The following SEMA7A variants were observed in gnomAD, a reference collection of about 807,000 sequenced individuals.
SEMA7A encodes semaphorin-7A.
Under a neutral mutation model 67.5 loss-of-function variants are expected in SEMA7A, and 21 were observed. The observed-to-expected ratio is 0.31, with a 90% confidence interval of 0.22 to 0.45. The LOEUF (loss-of-function observed/expected upper bound fraction) is 0.45. Among genes scored for constraint, SEMA7A ranks in the 20% least tolerant of loss-of-function variants. The probability of loss-of-function intolerance (pLI) is 1.00; values close to 1 mark genes in which losing one functional copy is unlikely to be tolerated. For synonymous variants in SEMA7A, 364 were observed against 368.5 expected (o/e 0.99, Z 0.14); for missense variants, 774 against 908.6 (o/e 0.85, Z 1.90).
Position 74,411,092 on chromosome 15 carries a change from G to C in SEMA7A, c.1640-107C>G. 2.7e-6 allele frequency: 4 copies of C among 1,488,916 alleles called. No homozygotes were observed. The highest frequency in any genetic ancestry group is 3.6e-6 in the Non-Finnish European group (4 of 1,112,774). The allele number at this position is 1,488,916 out of a possible 1,614,324, so 92.2% of individuals were successfully genotyped here. On this transcript the variant is annotated intron_variant, in intron 13 of 13. Transcript: ENST00000261918. The surrounding 1 kb of genome is among the most constrained non-coding windows in gnomAD (Gnocchi z 4.4). ...CCCAGGACAAGGCTTCTGAATGAACGTGGGGAACCCAGCCCTCAGCGTCCT... is the reference window on the plus strand; with the variant it reads ...CCCAGGACAAGGCTTCTGAATGAACCTGGGGAACCCAGCCCTCAGCGTCCT...
chr15:74,428,916 AG>A (rs1329543649), intron 1 of SEMA7A, among the ~76,000 whole-genome samples: 1 of 152,190 alleles, frequency 6.6e-6, no homozygotes, highest in African/African-American at 2.4e-5. Context: ...TCCTCTGAGG[AG>A]GCAGGGCCCA....
rs1334632569 is a variant in SEMA7A at position 74,414,506 on chromosome 15, T to C, written c.1294+41A>G. ...TTATTCCTTACACCTTTCATGCCCG[T>C]TTTTACAAAGCAAACTGAGGGTCCC... is the stretch of plus-strand genomic sequence containing the variant. On this transcript the variant is annotated intron_variant, in intron 10 of 13. Transcript: ENST00000261918. The surrounding 1 kb of genome is among the most constrained non-coding windows in gnomAD (Gnocchi z 4.1). 1 of 1,589,972 alleles carries C rather than the reference T, an allele frequency of 6.3e-7. No individual in the cohort carries two copies. The highest frequency in any genetic ancestry group is 1.1e-5 in the South Asian group (1 of 90,384).
At chr15:74,416,170 C>T (rs1194488058) in intron 7 of SEMA7A, among the ~76,000 whole-genome samples, 185 bp from the exon 8 acceptor site, 2 of 152,120 alleles carry the variant, frequency 1.3e-5, no homozygotes, top group Non-Finnish European at 2.9e-5. Flanking sequence ...CTCCAGCAAG[C>T]AGGCCTGGCT....
chr15:74,425,836 G>A (rs1287628254), intron 1 of SEMA7A, among the ~76,000 whole-genome samples: 1 of 152,126 alleles, frequency 6.6e-6, no homozygotes, highest in African/African-American at 2.4e-5. Context: ...CTGTGGGATG[G>A]CTACATACAG....
In SEMA7A at chr15:74,417,443, C is replaced by T. The variant is rs2141277896; in HGVS notation, c.553G>A (p.Asp185Asn). 1 of 1,613,304 alleles carries T rather than the reference C, an allele frequency of 6.2e-7. No homozygotes were observed. The highest frequency in any genetic ancestry group is 1.1e-5 in the South Asian group (1 of 91,074). The part of the protein sequence containing the change: ...DENSLVLFEG[D>N]EVYSTIRKQE... ...TTCCGGATGGTGGAATACACCTCGT[C>T]CCCTGGGGTCAGTGGGAGGGAGAAA... The change falls in exon 6 of 14, where the codon GAC becomes AAC. Residue 185 changes from aspartate to asparagine, a missense_variant and splice_region_variant. By Grantham distance (23) the Asp-to-Asn change is conservative (BLOSUM62 1). Coordinates refer to ENST00000261918, the MANE Select transcript of SEMA7A (RefSeq NM_003612.5).
intron 1 of SEMA7A, among the ~76,000 whole-genome samples, chr15:74,433,274 C>CG (rs1412778702): frequency 6.6e-6 from 1 of 151,670 alleles, no homozygotes; most frequent in East Asian, 2.0e-4. Context: ...GCGGCGGCGG[C>CG]GGCAAGGGGT....
chr15:74,411,743 GC>G lies in SEMA7A; in HGVS notation c.1423-34del. 6.2e-7 allele frequency: 1 copy of G among 1,609,412 alleles called. No homozygotes were observed. The highest frequency in any genetic ancestry group is 8.5e-7 in the Non-Finnish European group (1 of 1,179,272). On this transcript the variant is annotated intron_variant, in intron 11 of 13. Coordinates refer to ENST00000261918, the MANE Select transcript of SEMA7A (RefSeq NM_003612.5). The surrounding 1 kb of genome is among the most constrained non-coding windows in gnomAD (Gnocchi z 4.4). ...GACAGCAGGATTGGGTCAGGCCCGGGCCCCACCCCACACTCAGTCCTAAATG... is the reference window on the plus strand; with the variant it reads ...GACAGCAGGATTGGGTCAGGCCCGGGCCCACCCCACACTCAGTCCTAAATG...
At chr15:74,415,748 C>A in intron 8 of SEMA7A, 53 bp downstream of exon 8, 1 of 1,535,554 alleles carries the variant, frequency 6.5e-7, no homozygotes, top group South Asian at 1.2e-5. Flanking sequence ...CCTCCTGTCC[C>A]TACTGGACAC....
intron 1 of SEMA7A, 70 bp from the exon 2 acceptor site, chr15:74,419,022 C>T (rs968864850): frequency 4.5e-6 from 7 of 1,539,838 alleles, no homozygotes; most frequent in Non-Finnish European, 6.2e-6. Context: ...GTCCCCTCCA[C>T]ATGGCACACT....
intron 10 of SEMA7A, among the ~76,000 whole-genome samples, chr15:74,412,613 C>G (rs953974276): frequency 3.9e-5 from 6 of 151,900 alleles, no homozygotes; most frequent in African/African-American, 1.5e-4. Context: ...AAAGATAGTA[C>G]AGAGAGCTCC....
At chr15:74,419,026 G>C (rs2141280322) in intron 1 of SEMA7A, 74 bp from the exon 2 acceptor site, 1 of 1,524,148 alleles carries the variant, frequency 6.6e-7, no homozygotes. Context: ...CCTCCACATG[G>C]CACACTGGAA....
In SEMA7A at chr15:74,416,601, C is replaced by T. The variant is rs758451986; in HGVS notation, c.775G>A (p.Val259Met). Residue 259 changes from valine (V) to methionine (M), a missense_variant, in exon 7 of 14, where the codon GTG becomes ATG. Around this residue, in one of 2 missense-constraint regions of SEMA7A, gnomAD observed 427 missense variants for 555.4 expected, o/e 0.77. Transcript: ENST00000261918. ...PDKNPEAPLNVSRVAQLCRGD... is the reference protein window; with the variant it reads ...PDKNPEAPLNMSRVAQLCRGD... ...CTGCACAACTGGGCCACACGGGACACATTGAGAGGAGCCTCAGGATTCTTG... is the reference window on the plus strand; with the variant it reads ...CTGCACAACTGGGCCACACGGGACATATTGAGAGGAGCCTCAGGATTCTTG... The T allele has an allele frequency of 1.9e-6, 3 of 1,614,002 alleles. No individual in the cohort carries two copies. The highest frequency in any genetic ancestry group is 2.5e-6 in the Non-Finnish European group (3 of 1,179,992).
rs777179194 is a variant in SEMA7A at position 74,415,990 on chromosome 15, A to G, written c.802-5T>C. 7 of 1,613,572 alleles carry G rather than the reference A, an allele frequency of 4.3e-6. No individual in the cohort carries two copies. In the Admixed American group the frequency reaches 1.2e-4, roughly 27 times the overall value. ...ACTTTCCCCACCCTGGTCCCCCTGG[A>G]AGGGTAGAGGGGAGAAGAGGCCCCT... On this transcript the variant is annotated splice_polypyrimidine_tract_variant and splice_region_variant and intron_variant, in intron 7 of 13. Transcript: ENST00000261918.
chr15:74,418,585 G>A (rs1443720995), intron 2 of SEMA7A, among the ~76,000 whole-genome samples: 1 of 152,182 alleles, frequency 6.6e-6, no homozygotes, highest in East Asian at 1.9e-4. Flanking sequence ...CAGCTGGCCA[G>A]GCCCATTAGC....
chr15:74,412,338 C>T (rs1315080805), intron 10 of SEMA7A, among the ~76,000 whole-genome samples: 2 of 152,172 alleles, frequency 1.3e-5, no homozygotes, highest in Non-Finnish European at 1.5e-5. Flanking sequence ...TGCATCACCT[C>T]GTTTAACCCT....
At chr15:74,432,236 G>C (rs1274602716) in intron 1 of SEMA7A, among the ~76,000 whole-genome samples, 2 of 152,162 alleles carry the variant, frequency 1.3e-5, no homozygotes, top group African/African-American at 4.8e-5. Context: ...TGATGTCCAA[G>C]ACAGCCAAGG....
chr15:74,420,492 T>C (rs931432856), intron 1 of SEMA7A, among the ~76,000 whole-genome samples: 1 of 152,016 alleles, frequency 6.6e-6, no homozygotes, highest in Non-Finnish European at 1.5e-5. Flanking sequence ...CTGGTGCACA[T>C]CACAAACAGC....
Position 74,410,684 on chromosome 15 carries a change from C to T in SEMA7A, c.1941G>A (p.Leu647=). The change falls in exon 14 of 14, where the codon CTG becomes CTA. Residue 647 remains leucine (L), a synonymous_variant. Transcript: ENST00000261918. This position sits in a 1 kb window ranked among gnomAD's most constrained non-coding sequence, Gnocchi z 7.5. ...GCACCCCCAGCCAGAGGGAGGCGGC[C>T]AGGGCACAGGCATGACCCAGCAGGT... The part of the protein sequence containing the change: ...AEHLLGHACA[L]AASLWLGVLP... The T allele has an allele frequency of 6.2e-7, 1 of 1,610,920 alleles. No homozygotes were observed.
chr15:74,418,875 A>G lies in SEMA7A; in HGVS notation c.256T>C (p.Ser86Pro). ...TVLFHEPGSSSVWVGGRGKVY... is the reference protein window; with the variant it reads ...TVLFHEPGSSPVWVGGRGKVY... ...TTGCCACGTCCTCCCACCCACACAG[A>G]GGAGCTGCCTGGCTCGTGGAAAAGC... Residue 86 changes from serine (S) to proline (P), a missense_variant, in exon 2 of 14, where the codon TCT (serine) becomes CCT (proline). Physicochemically the swap from Ser to Pro is moderately conservative, Grantham distance 74 (BLOSUM62 -1). Transcript: ENST00000261918. 6.2e-7 allele frequency: 1 copy of G among 1,613,880 alleles called. No individual in the cohort carries two copies. The highest frequency in any genetic ancestry group is 8.5e-7 in the Non-Finnish European group (1 of 1,180,030).
Sources: allele counts gnomAD v4.1 joint callset (sites outside exome capture counted in the v4.1 genomes callset), GRCh38; gene constraint gnomAD v4.1.1; regional missense constraint gnomAD v4.1.1; non-coding constraint Gnocchi (gnomAD v3.1); transcripts MANE v1.5; gene names NCBI Gene and HGNC (gene_info 2026-07-23, HGNC 2026-07-21).